ARL15: variants seen among roughly 807,000 people sequenced by gnomAD.
The protein encoded by ARL15 is ARF like GTPase 15, also known as ADP-ribosylation factor-like protein 15.
In ARL15, 19 loss-of-function variants were observed where a neutral mutation model predicts 25.2. The observed-to-expected ratio is 0.75, with a 90% CI of 0.53 to 1.10. ARL15 has a LOEUF of 1.10. ARL15 is among the 50% of genes least tolerant of loss of function. ARL15 has a pLI of 0.00. For missense variants in ARL15, 220 were observed against 246.0 expected, an observed-to-expected ratio of 0.89 and a Z score of 0.71; for synonymous variants, 94 against 86.8, an observed-to-expected ratio of 1.08 and a Z score of -0.46.
intron 4 of ARL15, among the ~76,000 whole-genome samples, chr5:54,022,694 T>G (rs2111846384): frequency 6.6e-6 from 1 of 152,318 alleles, no homozygotes; most frequent in Non-Finnish European, 1.5e-5. Flanking sequence ...CTATTTAAGC[T>G]TCCACCATCA....
intron 1 of ARL15, among the ~76,000 whole-genome samples, chr5:54,264,756 G>T (rs1757580744): frequency 1.3e-5 from 2 of 152,046 alleles, no homozygotes; most frequent in African/African-American, 4.8e-5. Flanking sequence ...ACTCCTTCAA[G>T]ACTTTTCTCA....
chr5:54,147,428 G>A (rs115465112), intron 3 of ARL15, among the ~76,000 whole-genome samples: 1,691 of 152,234 alleles, frequency 0.011, 10 homozygotes, highest in Admixed American at 0.022. Context: ...TACATTTTAC[G>A]TATAAGAAAA....
intron 2 of ARL15, among the ~76,000 whole-genome samples, chr5:54,159,611 C>T (rs754864229): frequency 1.4e-4 from 21 of 152,202 alleles, no homozygotes; most frequent in Non-Finnish European, 2.5e-4. Context: ...GAAGGCTTCA[C>T]GGTTAAGTCT....
intron 4 of ARL15, among the ~76,000 whole-genome samples, chr5:54,054,831 T>G (rs1165580690): frequency 1.3e-5 from 2 of 151,922 alleles, no homozygotes; most frequent in Non-Finnish European, 2.9e-5. Context: ...GTAAAGGTGT[T>G]AATCTGAAGC....
In ARL15 at chr5:54,267,746, T is replaced by C. The variant is rs558772995; in HGVS notation, c.48+42686A>G. Among the ~76,000 whole-genome samples, 10 of 152,290 alleles carry C rather than the reference T, an allele frequency of 6.6e-5. No homozygotes were observed. The South Asian group carries it at 1.9e-3, about 28-fold the overall frequency. ...TTATGAAGCTTAGTTTGGCTGGATA[T>C]GAAATTCTGGGTTGAAAATTCTTTT... On this transcript the variant is annotated intron_variant, in intron 1 of 4. Coordinates refer to ENST00000504924, the MANE Select transcript of ARL15 (RefSeq NM_019087.3).
intron 4 of ARL15, among the ~76,000 whole-genome samples, chr5:53,924,601 T>G (rs1480301302): frequency 1.3e-5 from 2 of 152,146 alleles, no homozygotes; most frequent in Non-Finnish European, 2.9e-5. Context: ...TAACATTTAG[T>G]CCAATTCTCT....
chr5:54,126,991 C>T (rs1402352626), intron 3 of ARL15, among the ~76,000 whole-genome samples: 2 of 152,050 alleles, frequency 1.3e-5, no homozygotes, highest in Non-Finnish European at 2.9e-5. Context: ...CTAAAGCTAT[C>T]CCTCCCCACT....
At chr5:54,051,635 C>T (rs189108069) in intron 4 of ARL15, among the ~76,000 whole-genome samples, 17 of 152,236 alleles carry the variant, frequency 1.1e-4, no homozygotes, top group African/African-American at 3.8e-4. Context: ...TACACGTTTG[C>T]TAAAATAGCT....
intron 4 of ARL15, among the ~76,000 whole-genome samples, chr5:54,029,330 C>T (rs867380933): frequency 3.4e-5 from 4 of 116,628 alleles, no homozygotes; most frequent in Non-Finnish European, 7.0e-5. Context: ...CCACCACCAC[C>T]ACTACCACCA....
chr5:54,122,374 T>A (rs1348015202), intron 3 of ARL15, among the ~76,000 whole-genome samples: 2 of 152,394 alleles, frequency 1.3e-5, no homozygotes, highest in Admixed American at 6.5e-5. Context: ...GACACCCTTA[T>A]GAAAACCAAA....
At chr5:54,114,420 A>AAAAAAAAAAAAAAAAAC (rs1446111250) in intron 3 of ARL15, among the ~76,000 whole-genome samples, 3 of 150,136 alleles carry the variant, frequency 2.0e-5, no homozygotes, top group Non-Finnish European at 3.0e-5. Flanking sequence ...AAAAAAAAAA[A>AAAAAAAAAAAAAAAAAC]AAGCAACACC....
intron 1 of ARL15, among the ~76,000 whole-genome samples, chr5:54,227,271 T>C (rs1269959916): frequency 6.6e-6 from 1 of 152,152 alleles, no homozygotes; most frequent in Non-Finnish European, 1.5e-5. Flanking sequence ...GGAGGCCTGA[T>C]GACAGGATCC....
chr5:54,235,528 G>A (rs1283839791), intron 1 of ARL15, among the ~76,000 whole-genome samples: 1 of 145,928 alleles, frequency 6.9e-6, no homozygotes, highest in Non-Finnish European at 1.5e-5. Context: ...GTCTCGCTCT[G>A]TCACCCAAGC....
At chr5:54,146,031 A>T (rs973705568) in intron 3 of ARL15, among the ~76,000 whole-genome samples, 4 of 152,246 alleles carry the variant, frequency 2.6e-5, no homozygotes, top group African/African-American at 4.8e-5. Flanking sequence ...ACTGCATCTT[A>T]TACTCAGTCT....
chr5:53,886,551 T>C lies in ARL15; in HGVS notation c.*10A>G. ...AAGGCCTTTTGGGAGCCTGTTTTCTTTGCCAGATTTCACATTCTTACAGCT... is the reference window on the plus strand; with the variant it reads ...AAGGCCTTTTGGGAGCCTGTTTTCTCTGCCAGATTTCACATTCTTACAGCT... On this transcript the variant is annotated 3_prime_UTR_variant, in exon 5 of 5. Transcript: ENST00000504924. 6.4e-7 allele frequency: 1 copy of C among 1,552,536 alleles called. No homozygotes were observed. The highest frequency in any genetic ancestry group is 8.7e-7 in the Non-Finnish European group (1 of 1,148,720).
intron 4 of ARL15, among the ~76,000 whole-genome samples, chr5:54,080,955 G>A (rs1422205045): frequency 6.6e-6 from 1 of 152,136 alleles, no homozygotes; most frequent in Non-Finnish European, 1.5e-5. Context: ...TCCTAGCTGT[G>A]TCTTCACGTA....
chr5:54,036,745 T>G (rs1008037041), intron 4 of ARL15, among the ~76,000 whole-genome samples: 1 of 152,194 alleles, frequency 6.6e-6, no homozygotes, highest in Non-Finnish European at 1.5e-5. Context: ...TGACTAATTT[T>G]TTAAAGTCCA....
At chr5:53,908,233 C>A (rs942876406) in intron 4 of ARL15, among the ~76,000 whole-genome samples, 7 of 152,008 alleles carry the variant, frequency 4.6e-5, no homozygotes, top group African/African-American at 1.7e-4. Context: ...TTATCATAGG[C>A]ATGTATATAT....
At chr5:54,016,108 G>A (rs758855614) in intron 4 of ARL15, among the ~76,000 whole-genome samples, 4 of 151,956 alleles carry the variant, frequency 2.6e-5, no homozygotes, top group Non-Finnish European at 5.9e-5. Context: ...ACTCCTTTGC[G>A]GCTACCGGTA....
Sources: gnomAD v4.1 joint callset for allele counts (sites outside exome capture counted in the v4.1 genomes callset) on GRCh38, gnomAD v4.1.1 for gene constraint, MANE v1.5 for transcripts, NCBI Gene and HGNC (gene_info 2026-07-23, HGNC 2026-07-21) for gene names.